Variants in DLGAP1 observed in about 807,000 individuals in gnomAD.
The protein encoded by DLGAP1 is DLG associated protein 1, also known as disks large-associated protein 1.
Under a neutral mutation model 90.8 loss-of-function variants are expected in DLGAP1, and 11 were observed. The observed-to-expected ratio is 0.12, with a 90% CI of 0.08 to 0.20. The LOEUF (loss-of-function observed/expected upper bound fraction) is 0.20. Among genes scored for constraint, DLGAP1 ranks in the 10% least tolerant of loss-of-function variants. The pLI is 1.00. For synonymous variants in DLGAP1, 558 were observed against 540.7 expected, an observed-to-expected ratio of 1.03 and a Z score of -0.44; for missense variants, 1,050 against 1,333.8, an observed-to-expected ratio of 0.79 and a Z score of 3.31.
intron 4 of DLGAP1, among the ~76,000 whole-genome samples, chr18:3,872,678 A>G (rs774964631): frequency 6.6e-6 from 1 of 152,210 alleles, no homozygotes; most frequent in Non-Finnish European, 1.5e-5. Context: ...GTGTTCTACC[A>G]TTCACAAATC....
intron 3 of DLGAP1, among the ~76,000 whole-genome samples, chr18:3,972,507 A>ACT (rs748773454): frequency 8.7e-5 from 13 of 149,880 alleles, no homozygotes; most frequent in African/African-American, 2.7e-4. Flanking sequence ...ACACACACAC[A>ACT]CTCTCTCTCT....
At chr18:3,629,948 G>T (rs2058463545) in intron 7 of DLGAP1, among the ~76,000 whole-genome samples, 1 of 152,094 alleles carries the variant, frequency 6.6e-6, no homozygotes, top group South Asian at 2.1e-4. Context: ...ATATCATTTT[G>T]GGAAGCTTTA....
chr18:3,958,817 C>T lies in DLGAP1; in HGVS notation c.-73+46299G>A, dbSNP rs191338142. On this transcript the variant is annotated intron_variant, in intron 3 of 12. Transcript: ENST00000315677. The stretch of plus-strand genomic sequence containing the variant: ...AAGCCCCAGGTGAGCATCGTCCTCC[C>T]GTTTGACTTTAGTCTGTGGTGCCAG... Among the ~76,000 whole-genome samples the T allele has an allele frequency of 3.0e-4, 46 of 152,274 alleles. 1 individual carries two copies. Among genetic ancestry groups the T allele is most frequent in the African/African-American group, 8.9e-4 (37 of 41,558 alleles).
chr18:4,443,863 T>C (rs952622851), intron 1 of DLGAP1, among the ~76,000 whole-genome samples: 14 of 152,234 alleles, frequency 9.2e-5, no homozygotes, highest in African/African-American at 3.4e-4. Flanking sequence ...AATACTGTGT[T>C]ACCGTAACAA....
intron 1 of DLGAP1, among the ~76,000 whole-genome samples, chr18:4,435,509 C>T (rs181706032): frequency 4.7e-4 from 72 of 152,044 alleles, no homozygotes; most frequent in Admixed American, 3.8e-3. Context: ...AGAGGGGAAA[C>T]GGAAATAGAA....
At chr18:3,864,076 G>A (rs543783224) in intron 4 of DLGAP1, among the ~76,000 whole-genome samples, 2 of 152,290 alleles carry the variant, frequency 1.3e-5, no homozygotes, top group South Asian at 4.1e-4. Flanking sequence ...ACTGCCCCCA[G>A]AGTTCAGTCT....
At chr18:3,824,568 G>T (rs2067605543) in intron 4 of DLGAP1, among the ~76,000 whole-genome samples, 1 of 152,000 alleles carries the variant, frequency 6.6e-6, no homozygotes, top group Non-Finnish European at 1.5e-5. Context: ...TTTAAAAAAG[G>T]TTTCGGCAAA....
At chr18:3,770,211 A>G (rs1186314438) in intron 5 of DLGAP1, 2 of 152,236 alleles carry the variant, frequency 1.3e-5, no homozygotes, top group Admixed American at 1.3e-4. Flanking sequence ...GACAGGCACT[A>G]CTATGCATAA....
chr18:3,812,014 C>T (rs114589097), intron 5 of DLGAP1, among the ~76,000 whole-genome samples: 50 of 152,284 alleles, frequency 3.3e-4, no homozygotes, highest in African/African-American at 1.2e-3. Context: ...CCCAAAGTGT[C>T]ACTCAGTGAA....
intron 2 of DLGAP1, among the ~76,000 whole-genome samples, chr18:4,136,840 A>G (rs2076409239): frequency 6.6e-6 from 1 of 152,080 alleles, no homozygotes; most frequent in African/African-American, 2.4e-5. Flanking sequence ...GAGTTTCCCC[A>G]AGCTTTTCGC....
intron 2 of DLGAP1, among the ~76,000 whole-genome samples, chr18:4,058,984 C>A (rs1474846108): frequency 6.6e-6 from 1 of 152,226 alleles, no homozygotes; most frequent in African/African-American, 2.4e-5. Flanking sequence ...TCAAGAGACC[C>A]ACAGGACAGA....
At chr18:4,235,915 G>A (rs558509782) in intron 1 of DLGAP1, among the ~76,000 whole-genome samples, 5 of 151,826 alleles carry the variant, frequency 3.3e-5, no homozygotes, top group Middle Eastern at 3.4e-3. Flanking sequence ...TAGTAGAGAC[G>A]GGGTTTGGCC....
At chr18:3,690,279 G>C (rs554329460) in intron 7 of DLGAP1, among the ~76,000 whole-genome samples, 31 of 151,934 alleles carry the variant, frequency 2.0e-4, no homozygotes, top group Non-Finnish European at 4.0e-4. Context: ...TAGAGTTGGG[G>C]TCTTGCCATG....
Position 4,352,233 on chromosome 18 carries a change from T to G in DLGAP1, c.-267+102773A>C, listed in dbSNP as rs189241952. The stretch of plus-strand genomic sequence containing the variant: ...AGCATCATATCAGGCTTCTAGATTC[T>G]GTCTGCAGTATGATAGGTCAATTTC... On this transcript the variant is annotated intron_variant, in intron 1 of 12. Transcript: ENST00000315677. Among the ~76,000 whole-genome samples, 5 of 152,326 alleles carry G rather than the reference T, an allele frequency of 3.3e-5. No individual in the cohort carries two copies. The East Asian group carries it at 9.7e-4, about 29-fold the overall frequency.
chr18:4,197,291 G>C (rs1023068224), intron 1 of DLGAP1, among the ~76,000 whole-genome samples: 4 of 151,284 alleles, frequency 2.6e-5, no homozygotes, highest in African/African-American at 7.3e-5. Flanking sequence ...AAAGTACAGA[G>C]ATAGGAAATA....
chr18:4,274,072 CTT>C (rs368972140), intron 1 of DLGAP1, among the ~76,000 whole-genome samples: 1 of 142,250 alleles, frequency 7.0e-6, no homozygotes, highest in African/African-American at 2.5e-5. Context: ...GTTTAGTTTG[CTT>C]TTTTTTTTTC....
rs200969648 is a variant in DLGAP1, at chr18:3,879,950, T to C, written c.119A>G (p.His40Arg). ...GGTGTAGTATGGGTGGTCTGCGGGG[T>C]GGTGCTCCACTGGGCTCAGCAGGTA... is the stretch of plus-strand genomic sequence containing the variant. ...KPYLLSPVEH[H>R]PADHPYYTQR... Residue 40 changes from histidine to arginine, a missense_variant, in exon 4 of 13, where the codon CAC (histidine) becomes CGC (arginine). His to Arg is a conservative substitution (Grantham distance 29, BLOSUM62 0). Transcript: ENST00000315677. The surrounding 1 kb of genome is among the most constrained non-coding windows in gnomAD (Gnocchi z 6.6). 84 of 1,612,684 alleles carry C rather than the reference T, an allele frequency of 5.2e-5. No individual in the cohort carries two copies. The highest frequency in any genetic ancestry group is 7.0e-5 in the Non-Finnish European group (83 of 1,179,924).
intron 4 of DLGAP1, among the ~76,000 whole-genome samples, chr18:3,872,006 A>G (rs1025857574): frequency 1.1e-4 from 17 of 152,300 alleles, no homozygotes; most frequent in Non-Finnish European, 1.6e-4. Flanking sequence ...TAGAAACTCC[A>G]GTTGACAGAG....
chr18:3,555,230 AT>A (rs1374433351), intron 9 of DLGAP1, among the ~76,000 whole-genome samples: 2 of 152,204 alleles, frequency 1.3e-5, no homozygotes, highest in Non-Finnish European at 2.9e-5. Context: ...GAAAACAATC[AT>A]TAACATCAAT....
Sources: gnomAD v4.1 joint callset for allele counts (sites outside exome capture counted in the v4.1 genomes callset) on GRCh38, gnomAD v4.1.1 for gene constraint, Gnocchi (gnomAD v3.1) non-coding constraint, MANE v1.5 for transcripts, NCBI Gene and HGNC (gene_info 2026-07-23, HGNC 2026-07-21) for gene names.